Variants in SPC25 observed in about 807,000 individuals in gnomAD.
SPC25 encodes the protein SPC25 component of NDC80 kinetochore complex, also known as kinetochore protein Spc25.
Under a neutral mutation model 29.6 loss-of-function variants are expected in SPC25, and 22 were observed. The observed-to-expected ratio is 0.74, with a 90% CI of 0.53 to 1.06. The LOEUF is 1.06. Ranked by LOEUF, SPC25 falls within the 50% of genes least tolerant of loss-of-function variation. SPC25 has a pLI of 0.00. For missense variants in SPC25, 230 were observed against 255.8 expected, an observed-to-expected ratio of 0.90 and a Z score of 0.69; for synonymous variants, 91 against 90.4, an observed-to-expected ratio of 1.01 and a Z score of -0.04.
chr2:168,876,055 T>G lies in SPC25; in HGVS notation c.451+17A>C. On this transcript the variant is annotated intron_variant, in intron 5 of 6. Coordinates refer to ENST00000282074, the MANE Select transcript of SPC25 (RefSeq NM_020675.4). ...CTTTTGTAATCTCCTATATTTTATT[T>G]ATATTAACAAACTTACCATAAATTT... 7.1e-7 allele frequency: 1 copy of G among 1,409,394 alleles called. No individual in the cohort carries two copies. The highest frequency in any genetic ancestry group is 9.4e-7 in the Non-Finnish European group (1 of 1,058,508). The allele number at this position is 1,409,394 out of a possible 1,614,324, so 87.3% of individuals were successfully genotyped here. A position where few individuals can be genotyped will look rare whatever the true frequency, so the allele number is the denominator to read the frequency against.
chr2:168,888,953 G>GTATATA lies in SPC25; in HGVS notation c.199+272_199+273insTATATA, dbSNP rs1221825706. Among the ~76,000 whole-genome samples the GTATATA allele has an allele frequency of 1.1e-4, 7 of 61,548 alleles. 1 individual carries two copies. In the East Asian group the frequency reaches 2.3e-3, roughly 20 times the overall value. The allele number at this position is 61,548 out of a possible 152,430, so 40.4% of individuals were successfully genotyped here. A position where few individuals can be genotyped will look rare whatever the true frequency, so the allele number is the denominator to read the frequency against. ...TGTGTGTGTGTGTGTGTGTGTGTGT[G>GTATATA]TGTGTATATATATATATATACACAC... is the stretch of plus-strand genomic sequence containing the variant. On this transcript the variant is annotated intron_variant, in intron 3 of 6. Coordinates refer to ENST00000282074, the MANE Select transcript of SPC25 (RefSeq NM_020675.4).
chr2:168,865,107 TG>T (rs1405774814), intron 4 of SPC25: 1 of 877,468 alleles, frequency 1.1e-6, no homozygotes, highest in Non-Finnish European at 1.7e-6. Context: ...CACAGCACTT[TG>T]CATTCATGAT....
At chr2:168,866,335 T>C (rs1284075447), downstream of SPC25, among the ~76,000 whole-genome samples, 4 of 152,268 alleles carry the variant, frequency 2.6e-5, no homozygotes, top group African/African-American at 4.8e-5. Flanking sequence ...TATCTACAAC[T>C]ATCTGATCTT....
chr2:168,874,678 A>C lies in SPC25; in HGVS notation c.452-995T>G, dbSNP rs111421690. The stretch of plus-strand genomic sequence containing the variant: ...GATATAGCGAAATCAGCAAAGGGAA[A>C]AGGTACATGGAGTAAAGTCCAAGGA... On this transcript the variant is annotated intron_variant, in intron 5 of 6. Coordinates refer to ENST00000282074, the MANE Select transcript of SPC25 (RefSeq NM_020675.4). Among the ~76,000 whole-genome samples the C allele has an allele frequency of 3.8e-3, 576 of 152,230 alleles. 6 individuals are homozygous for C. Among genetic ancestry groups the C allele is most frequent in the African/African-American group, 0.013 (532 of 41,564 alleles).
rs11420514 is a variant in SPC25, at chr2:168,871,369, G to GA, written c.*61dup. 1,215,981 of 1,437,674 alleles carry GA rather than the reference G, an allele frequency of 0.85. 516,548 individuals are homozygous for GA. The highest frequency in any genetic ancestry group is 0.97 in the African/African-American group (66,260 of 68,564). 89.1% of individuals were successfully genotyped at this position (1,437,674 alleles called of 1,614,324 possible). On this transcript the variant is annotated 3_prime_UTR_variant, in exon 7 of 7. Transcript: ENST00000282074. ...TAAAGTATAATAATAATAAAAACAA[G>GA]AAAAAAAGAGATATGTAATAGAGAA...
At chr2:168,876,253 TTAAAA>T (rs1690085614) in intron 4 of SPC25, 77 bp from the exon 5 acceptor site, 1 of 1,036,962 alleles carries the variant, frequency 9.6e-7, no homozygotes, top group Non-Finnish European at 1.4e-6. Context: ...TTTTTTAAAC[TTAAAA>T]TCAACTATAA....
At position 168,871,203 on chromosome 2, in the gene SPC25, G is replaced by T; in HGVS notation, c.*228C>A. 4.1e-6 allele frequency: 1 copy of T among 246,582 alleles called. No homozygotes were observed. The highest frequency in any genetic ancestry group is 7.6e-6 in the Non-Finnish European group (1 of 132,206). The allele number at this position is 246,582 out of a possible 1,614,324, so 15.3% of individuals were successfully genotyped here. A position where few individuals can be genotyped will look rare whatever the true frequency, so the allele number is the denominator to read the frequency against. ...AGGGGAACATCACACAACGGGGACT[G>T]TTGTGGGTTGGGGGAGGGGGGAGGG... On this transcript the variant is annotated 3_prime_UTR_variant, in exon 7 of 7. Coordinates refer to ENST00000282074, the MANE Select transcript of SPC25 (RefSeq NM_020675.4).
At chr2:168,882,145 G>T (rs555251112) in intron 3 of SPC25, among the ~76,000 whole-genome samples, 1 of 152,366 alleles carries the variant, frequency 6.6e-6, no homozygotes, top group Admixed American at 6.5e-5. Context: ...CAGTTAGGAA[G>T]TTAATATGAT....
chr2:168,890,403 C>A lies in SPC25; in HGVS notation c.-100G>T. 1 of 985,506 alleles carries A rather than the reference C, an allele frequency of 1.0e-6. No individual in the cohort carries two copies. The highest frequency in any genetic ancestry group is 1.7e-5 in the African/African-American group (1 of 57,382). The allele number at this position is 985,506 out of a possible 1,614,324, so 61.0% of individuals were successfully genotyped here. On this transcript the variant is annotated 5_prime_UTR_variant, in exon 1 of 7. Coordinates refer to ENST00000282074, the MANE Select transcript of SPC25 (RefSeq NM_020675.4). Reference sequence around the variant, plus strand: ...CAACAGCCGGACTCTAGGCTCAGCTCCCGCAGCCCCGCCAACTTTCCGATT... The same window carrying A: ...CAACAGCCGGACTCTAGGCTCAGCTACCGCAGCCCCGCCAACTTTCCGATT...
At chr2:168,862,030 T>C (rs780096877) in intron 4 of SPC25, 1 of 1,614,152 alleles carries the variant, frequency 6.2e-7, no homozygotes, top group Non-Finnish European at 8.5e-7. Context: ...GGCAAGATGA[T>C]GAGTTGAATT....
chr2:168,867,350 A>G (rs1218584134), downstream of SPC25, among the ~76,000 whole-genome samples: 1 of 152,184 alleles, frequency 6.6e-6, no homozygotes, highest in Non-Finnish European at 1.5e-5. Context: ...TAACCAGCTA[A>G]CATCATAATG....
At chr2:168,880,128 T>G (rs879896144) in intron 3 of SPC25, among the ~76,000 whole-genome samples, 1 of 152,204 alleles carries the variant, frequency 6.6e-6, no homozygotes. Flanking sequence ...GGTGCATTAG[T>G]CACTAAAGAG....
chr2:168,873,715 A>G (rs760217362), intron 5 of SPC25, 32 bp from the exon 6 acceptor site: 2 of 1,447,968 alleles, frequency 1.4e-6, no homozygotes, highest in South Asian at 1.1e-5. Flanking sequence ...TAGTGTGTCA[A>G]AGCTTTCAAT....
At chr2:168,886,709 C>T (rs1422653733) in intron 3 of SPC25, among the ~76,000 whole-genome samples, 5 of 151,612 alleles carry the variant, frequency 3.3e-5, no homozygotes, top group South Asian at 4.2e-4. Flanking sequence ...TTAGTAGAGA[C>T]AAGGTTTCAC....
intron 4 of SPC25, chr2:168,864,686 C>A: frequency 1.3e-6 from 1 of 760,050 alleles, no homozygotes; most frequent in Non-Finnish European, 2.1e-6. Flanking sequence ...CACAGGTGTT[C>A]GATACATTTG....
intron 4 of SPC25, chr2:168,863,290 G>GAGAATAATGTCCTTTAAGAATAGTGATTT: frequency 2.0e-6 from 1 of 507,328 alleles, no homozygotes. Context: ...CTTAGAGACC[G>GAGAATAATGTCCTTTAAGAATAGTGATTT]AGAATAATGT....
At chr2:168,873,748 T>A in intron 5 of SPC25, 65 bp from the exon 6 acceptor site, 3 of 1,045,642 alleles carry the variant, frequency 2.9e-6, no homozygotes, top group Non-Finnish European at 4.5e-6. Context: ...TCTTACTCCA[T>A]CTTTGATCAA....
intron 4 of SPC25, chr2:168,863,740 G>C: frequency 2.5e-6 from 2 of 807,710 alleles, no homozygotes; most frequent in Non-Finnish European, 3.0e-6. Context: ...CTTAAGAAAA[G>C]ACTGTTGGTG....
intron 3 of SPC25, among the ~76,000 whole-genome samples, chr2:168,887,071 C>T (rs561358489): frequency 1.3e-5 from 2 of 152,126 alleles, no homozygotes; most frequent in African/African-American, 4.8e-5. Context: ...CTTATGGTTA[C>T]AGAGGGAATG....
Sources: allele counts gnomAD v4.1 joint callset (sites outside exome capture counted in the v4.1 genomes callset), GRCh38; gene constraint gnomAD v4.1.1; transcripts MANE v1.5; gene names NCBI Gene and HGNC (gene_info 2026-07-23, HGNC 2026-07-21).